The following IMMP2L variants were observed in gnomAD, a reference collection of about 807,000 sequenced individuals.
The protein encoded by IMMP2L is mitochondrial inner membrane protease subunit 2.
In IMMP2L, 18 loss-of-function variants were observed where a neutral mutation model predicts 19.3. The observed-to-expected ratio is 0.93, with a 90% confidence interval of 0.64 to 1.38. IMMP2L has a LOEUF of 1.38. Among genes scored for constraint, IMMP2L ranks in the 40% most tolerant of loss-of-function variants. The pLI is 0.00. For synonymous variants in IMMP2L, 76 were observed against 73.0 expected (o/e 1.04, Z -0.21); for missense variants, 233 against 218.2 (o/e 1.07, Z -0.43).
At chr7:111,519,167 A>G (rs1225588641) in intron 2 of IMMP2L, among the ~76,000 whole-genome samples, 1 of 152,146 alleles carries the variant, frequency 6.6e-6, no homozygotes, top group Non-Finnish European at 1.5e-5. Context: ...GCGGTGAAGA[A>G]ACTGGGCATG....
chr7:111,056,863 G>C (rs969852154), intron 3 of IMMP2L, among the ~76,000 whole-genome samples: 1 of 152,110 alleles, frequency 6.6e-6, no homozygotes, highest in Non-Finnish European at 1.5e-5. Context: ...AGGAGGAAGA[G>C]GAGGGCTTGG....
chr7:111,083,201 T>C (rs1457044249), intron 3 of IMMP2L, among the ~76,000 whole-genome samples: 3 of 152,192 alleles, frequency 2.0e-5, no homozygotes, highest in Non-Finnish European at 4.4e-5. Flanking sequence ...GATAATACAA[T>C]TGTCATTCAT....
At chr7:110,780,543 A>C (rs896634305) in intron 5 of IMMP2L, among the ~76,000 whole-genome samples, 2 of 151,598 alleles carry the variant, frequency 1.3e-5, no homozygotes, top group African/African-American at 2.4e-5. Flanking sequence ...CTCTCATCTC[A>C]CAACTCTTCG....
chr7:111,273,425 C>G (rs1365940755), intron 3 of IMMP2L, among the ~76,000 whole-genome samples: 1 of 152,000 alleles, frequency 6.6e-6, no homozygotes, highest in Non-Finnish European at 1.5e-5. Flanking sequence ...AGGAGGTTAC[C>G]ATGAGCTCAT....
intron 3 of IMMP2L, among the ~76,000 whole-genome samples, chr7:111,199,167 A>G (rs1187758149): frequency 1.3e-5 from 2 of 152,130 alleles, no homozygotes; most frequent in African/African-American, 2.4e-5. Context: ...TTATTCTGCC[A>G]CCATTTTACA....
At chr7:111,118,572 G>A (rs763820999) in intron 3 of IMMP2L, among the ~76,000 whole-genome samples, 5 of 151,902 alleles carry the variant, frequency 3.3e-5, no homozygotes, top group Non-Finnish European at 7.4e-5. Context: ...AAAAAGTGGA[G>A]ATTAATGTAC....
intron 5 of IMMP2L, among the ~76,000 whole-genome samples, chr7:110,704,371 C>T (rs1395823519): frequency 6.6e-6 from 1 of 152,194 alleles, no homozygotes; most frequent in Non-Finnish European, 1.5e-5. Context: ...ATTTCTCTTA[C>T]AATACTGTCA....
chr7:110,682,371 T>C (rs954880146), intron 5 of IMMP2L, among the ~76,000 whole-genome samples: 2 of 152,206 alleles, frequency 1.3e-5, no homozygotes, highest in African/African-American at 4.8e-5. Flanking sequence ...GATGGTCTAT[T>C]TAGTTCTTTC....
At chr7:110,756,019 T>C (rs764086677) in intron 5 of IMMP2L, among the ~76,000 whole-genome samples, 4 of 152,098 alleles carry the variant, frequency 2.6e-5, no homozygotes, top group Non-Finnish European at 5.9e-5. Flanking sequence ...AAGATTTGCA[T>C]GTAAGATAAC....
In IMMP2L at chr7:111,491,892, GT is replaced by G. The variant is rs926567658; in HGVS notation, c.136-4552del. 1.0e-4 allele frequency among the ~76,000 whole-genome samples: 15 copies of G among 147,644 alleles called. No individual in the cohort carries two copies. In the South Asian group the frequency reaches 1.1e-3, roughly 11 times the overall value. On this transcript the variant is annotated intron_variant, in intron 2 of 5. Transcript: ENST00000405709. The stretch of plus-strand genomic sequence containing the variant: ...TTCCTATTGAACTTTCACTGCATTC[GT>G]TTTTTTTTTCTTTTTTCTTGCCATA...
intron 3 of IMMP2L, among the ~76,000 whole-genome samples, chr7:111,119,892 A>C (rs1800376841): frequency 6.6e-6 from 1 of 152,164 alleles, no homozygotes; most frequent in Admixed American, 6.6e-5. Flanking sequence ...GGGGCAGCTA[A>C]GTACATGTGG....
At chr7:111,465,171 C>A (rs1274365444) in intron 3 of IMMP2L, among the ~76,000 whole-genome samples, 1 of 152,110 alleles carries the variant, frequency 6.6e-6, no homozygotes, top group African/African-American at 2.4e-5. Flanking sequence ...TCACTCCTGC[C>A]ATAATGGGCT....
intron 3 of IMMP2L, among the ~76,000 whole-genome samples, chr7:111,191,655 A>AT (rs1256623865): frequency 6.6e-6 from 1 of 151,972 alleles, no homozygotes; most frequent in Admixed American, 6.6e-5. Context: ...AGATTCTAGC[A>AT]TTTTTTACTC....
intron 3 of IMMP2L, among the ~76,000 whole-genome samples, chr7:111,223,830 C>A (rs1171893557): frequency 6.6e-6 from 1 of 152,086 alleles, no homozygotes; most frequent in African/African-American, 2.4e-5. Flanking sequence ...ATCAGGCCTT[C>A]GCTGAGACCA....
At chr7:110,721,309 G>A (rs564876546) in intron 5 of IMMP2L, among the ~76,000 whole-genome samples, 146 of 152,136 alleles carry the variant, frequency 9.6e-4, no homozygotes, top group African/African-American at 3.3e-3. Flanking sequence ...AATGCATTGC[G>A]AAGTGTTTGG....
intron 3 of IMMP2L, among the ~76,000 whole-genome samples, chr7:111,466,770 A>C (rs1840711834): frequency 6.6e-6 from 1 of 152,196 alleles, no homozygotes; most frequent in South Asian, 2.1e-4. Flanking sequence ...TGTCTGTACT[A>C]AACATGTACA....
chr7:111,061,685 C>G (rs1191156017), intron 3 of IMMP2L, among the ~76,000 whole-genome samples: 1 of 152,166 alleles, frequency 6.6e-6, no homozygotes, highest in Non-Finnish European at 1.5e-5. Context: ...TCTAAGAGGT[C>G]TTTTGGGCTC....
At chr7:110,925,297 G>A (rs1353431058) in intron 4 of IMMP2L, among the ~76,000 whole-genome samples, 1 of 152,012 alleles carries the variant, frequency 6.6e-6, no homozygotes, top group Non-Finnish European at 1.5e-5. Flanking sequence ...CTTACAAACA[G>A]ACATCAAAGT....
chr7:111,416,798 T>C (rs1184889897), intron 3 of IMMP2L, among the ~76,000 whole-genome samples: 1 of 151,708 alleles, frequency 6.6e-6, no homozygotes, highest in Non-Finnish European at 1.5e-5. Flanking sequence ...ATGAATCATA[T>C]GTAGTATAAA....
Sources: allele counts gnomAD v4.1 joint callset (sites outside exome capture counted in the v4.1 genomes callset), GRCh38; gene constraint gnomAD v4.1.1; transcripts MANE v1.5; gene names NCBI Gene and HGNC (gene_info 2026-07-23, HGNC 2026-07-21).